TTC28: variants seen among roughly 807,000 people sequenced by gnomAD.
TTC28 encodes tetratricopeptide repeat protein 28.
In TTC28, 61 loss-of-function variants were observed where a neutral mutation model predicts 198.0. The ratio of observed to expected loss-of-function variants is 0.31; its 90% confidence interval spans 0.25 to 0.38. The LOEUF (loss-of-function observed/expected upper bound fraction) is 0.38, where lower values mean the gene tolerates loss of function less well. Ranked by LOEUF, TTC28 falls within the 10% of genes least tolerant of loss-of-function variation. The pLI, the probability that TTC28 is intolerant of heterozygous loss-of-function variation, is 1.00. For synonymous variants in TTC28, 1,171 were observed against 1,297.8 expected, an observed-to-expected ratio of 0.90 and a Z score of 2.10; for missense variants, 2,678 against 3,164.0, an observed-to-expected ratio of 0.85 and a Z score of 3.69.
intron 2 of TTC28, among the ~76,000 whole-genome samples, chr22:28,489,701 G>GT (rs539847189): frequency 1.2e-4 from 19 of 152,004 alleles, no homozygotes; most frequent in Non-Finnish European, 1.9e-4. Flanking sequence ...TGGGAGGACT[G>GT]TTTGAGCCCA....
chr22:28,063,125 T>C (rs1940614655), intron 12 of TTC28, among the ~76,000 whole-genome samples: 1 of 152,232 alleles, frequency 6.6e-6, no homozygotes, highest in African/African-American at 2.4e-5. Flanking sequence ...CTTGTATCTT[T>C]AGCTAGAATC....
At chr22:28,132,008 G>A (rs1407918813) in intron 6 of TTC28, among the ~76,000 whole-genome samples, 1 of 152,142 alleles carries the variant, frequency 6.6e-6, no homozygotes, top group Non-Finnish European at 1.5e-5. Flanking sequence ...ATTATGCCAA[G>A]TAAGCCACAG....
chr22:28,297,364 C>T (rs1463121114), intron 4 of TTC28, among the ~76,000 whole-genome samples: 1 of 151,542 alleles, frequency 6.6e-6, no homozygotes, highest in Non-Finnish European at 1.5e-5. Context: ...GTACACCACA[C>T]CCAGCTATTT....
At chr22:28,633,944 G>A (rs118019135) in intron 1 of TTC28, among the ~76,000 whole-genome samples, 132 of 152,138 alleles carry the variant, frequency 8.7e-4, no homozygotes, top group South Asian at 1.7e-3. Context: ...GAAATTGCTC[G>A]AAACACTGAT....
intron 13 of TTC28, among the ~76,000 whole-genome samples, chr22:28,017,795 C>G (rs2146593394): frequency 6.6e-6 from 1 of 152,264 alleles, no homozygotes; most frequent in Middle Eastern, 3.4e-3. Flanking sequence ...CATAAGGAGG[C>G]CACCTGTGTC....
At chr22:28,159,179 A>G (rs1234901826) in intron 6 of TTC28, among the ~76,000 whole-genome samples, 1 of 152,228 alleles carries the variant, frequency 6.6e-6, no homozygotes, top group African/African-American at 2.4e-5. Context: ...ACAGAAATGC[A>G]AACCAAAACT....
chr22:28,033,025 A>T (rs1161185117), intron 12 of TTC28, among the ~76,000 whole-genome samples: 3 of 152,158 alleles, frequency 2.0e-5, no homozygotes, highest in Non-Finnish European at 2.9e-5. Context: ...TCCTCTGTCC[A>T]GGGACACATT....
At position 28,436,935 on chromosome 22, in the gene TTC28, A is replaced by C. The variant is rs147951143; in HGVS notation, c.382-130292T>G. ...TTTAAGGTGGATATTTTATGATGTA[A>C]ACTACAATACGCCACAACACACTGA... On this transcript the variant is annotated intron_variant, in intron 2 of 22. Coordinates refer to ENST00000397906, the MANE Select transcript of TTC28 (RefSeq NM_001145418.2). Among the ~76,000 whole-genome samples, 341 of 152,300 alleles carry C rather than the reference A, an allele frequency of 2.2e-3. 6 individuals carry two copies. Among genetic ancestry groups the C allele is most frequent in the Admixed American group, 0.02 (310 of 15,306 alleles).
At chr22:28,389,586 G>A (rs952331415) in intron 2 of TTC28, among the ~76,000 whole-genome samples, 1 of 149,790 alleles carries the variant, frequency 6.7e-6, no homozygotes, top group Non-Finnish European at 1.5e-5. Flanking sequence ...TGTATGTGTC[G>A]AGGAATTTAT....
At chr22:28,309,646 T>A (rs1030941844) in intron 2 of TTC28, among the ~76,000 whole-genome samples, 1 of 152,214 alleles carries the variant, frequency 6.6e-6, no homozygotes, top group East Asian at 1.9e-4. Flanking sequence ...TACAAACTTA[T>A]ATATACGGAC....
chr22:28,124,366 T>C (rs1290062557), intron 6 of TTC28, among the ~76,000 whole-genome samples: 2 of 152,212 alleles, frequency 1.3e-5, no homozygotes, highest in African/African-American at 2.4e-5. Flanking sequence ...AGCTAGATGA[T>C]AGAATGATAA....
intron 2 of TTC28, among the ~76,000 whole-genome samples, chr22:28,408,537 C>T (rs1480140670): frequency 6.6e-6 from 1 of 152,116 alleles, no homozygotes; most frequent in African/African-American, 2.4e-5. Context: ...ATTACAGGTA[C>T]CTGCCACCAC....
chr22:28,580,289 T>C (rs2050216909), intron 2 of TTC28, among the ~76,000 whole-genome samples: 1 of 152,232 alleles, frequency 6.6e-6, no homozygotes, highest in Non-Finnish European at 1.5e-5. Context: ...TACCATCTTT[T>C]ACTATCTCCC....
chr22:28,387,884 A>G (rs1426864787), intron 2 of TTC28, among the ~76,000 whole-genome samples: 1 of 152,154 alleles, frequency 6.6e-6, no homozygotes, highest in African/African-American at 2.4e-5. Context: ...TTTGGTTGCC[A>G]TTGCTTTTGG....
At chr22:28,386,616 T>C (rs1007129596) in intron 2 of TTC28, among the ~76,000 whole-genome samples, 3 of 152,136 alleles carry the variant, frequency 2.0e-5, no homozygotes, top group African/African-American at 7.2e-5. Context: ...TTCTATACTA[T>C]GACTCCATAG....
intron 12 of TTC28, among the ~76,000 whole-genome samples, chr22:28,089,480 C>G (rs1307562021): frequency 7.4e-6 from 1 of 135,428 alleles, no homozygotes; most frequent in Non-Finnish European, 1.5e-5. Context: ...CACATGGACA[C>G]AGGAAGGGGA....
intron 6 of TTC28, among the ~76,000 whole-genome samples, chr22:28,136,971 C>T: frequency 6.6e-6 from 1 of 152,136 alleles, no homozygotes; most frequent in East Asian, 1.9e-4. Context: ...CACTGGAAAA[C>T]AAGTATAAAA....
In TTC28 at chr22:27,998,603, G is replaced by A. The variant is rs1421018914; in HGVS notation, c.5056C>T (p.Leu1686=). 6.4e-7 allele frequency: 1 copy of A among 1,550,718 alleles called. No homozygotes were observed. The highest frequency in any genetic ancestry group is 8.7e-7 in the Non-Finnish European group (1 of 1,147,012). The change falls in exon 16 of 23, where the codon CTG becomes TTG. Residue 1686 remains leucine, a synonymous_variant. Transcript: ENST00000397906. ...LLNGLKASAA[L]GEAMKVVQSS... ...TGCACCACCTTCATGGCCTCCCCCAGGGCGGCGCTGGCTTTCAGGCCGTTC... is the reference window on the plus strand; with the variant it reads ...TGCACCACCTTCATGGCCTCCCCCAAGGCGGCGCTGGCTTTCAGGCCGTTC...
At chr22:28,011,857 G>A (rs770418113) in intron 14 of TTC28, among the ~76,000 whole-genome samples, 1 of 152,182 alleles carries the variant, frequency 6.6e-6, no homozygotes, top group Non-Finnish European at 1.5e-5. Flanking sequence ...GGGGGCAGAA[G>A]CGGCAGTCAC....
Sources: gnomAD v4.1 joint callset for allele counts (sites outside exome capture counted in the v4.1 genomes callset) on GRCh38, gnomAD v4.1.1 for gene constraint, MANE v1.5 for transcripts, NCBI Gene and HGNC (gene_info 2026-07-23, HGNC 2026-07-21) for gene names.